The following PIK3C2G variants were observed in gnomAD, a reference collection of about 807,000 sequenced individuals.
The protein encoded by PIK3C2G is phosphatidylinositol-4-phosphate 3-kinase catalytic subunit type 2 gamma.
Under a neutral mutation model 181.1 loss-of-function variants are expected in PIK3C2G, and 168 were observed. The ratio of observed to expected loss-of-function variants is 0.93; its 90% CI spans 0.82 to 1.05. The LOEUF is 1.05. Among genes scored for constraint, PIK3C2G ranks in the 50% least tolerant of loss-of-function variants. The pLI, the probability that PIK3C2G is intolerant of heterozygous loss-of-function variation, is 0.00. For missense variants in PIK3C2G, 1,869 were observed against 1,732.8 expected (o/e 1.08, Z -1.40); for synonymous variants, 573 against 592.2 (o/e 0.97, Z 0.47).
downstream of PIK3C2G, among the ~76,000 whole-genome samples, chr12:18,650,511 T>C (rs892150997): frequency 6.7e-6 from 1 of 150,136 alleles, no homozygotes; most frequent in East Asian, 2.0e-4. Flanking sequence ...TGAAAAAAAA[T>C]TAAGCTATTT....
At chr12:18,366,597 C>A (rs1047662183) in intron 12 of PIK3C2G, among the ~76,000 whole-genome samples, 2 of 152,036 alleles carry the variant, frequency 1.3e-5, no homozygotes, top group African/African-American at 4.8e-5. Context: ...CTCTCAGAAG[C>A]TTACTCTGGT....
intron 17 of PIK3C2G, among the ~76,000 whole-genome samples, chr12:18,422,538 G>T (rs1258099605): frequency 6.6e-6 from 1 of 152,076 alleles, no homozygotes; most frequent in Non-Finnish European, 1.5e-5. Context: ...AGAAGATGCA[G>T]TTCATAGCTA....
intron 25 of PIK3C2G, among the ~76,000 whole-genome samples, chr12:18,545,394 C>G (rs80280060): frequency 6.6e-6 from 1 of 151,806 alleles, no homozygotes; most frequent in African/African-American, 2.4e-5. Flanking sequence ...TCACTTTACC[C>G]TTTGTTTTAA....
intron 25 of PIK3C2G, among the ~76,000 whole-genome samples, chr12:18,540,763 A>G (rs939116575): frequency 6.6e-5 from 10 of 151,930 alleles, no homozygotes; most frequent in African/African-American, 2.4e-5. Flanking sequence ...TCCAGAGTAA[A>G]CATATAATCT....
intron 8 of PIK3C2G, among the ~76,000 whole-genome samples, chr12:18,332,881 C>T (rs1430825144): frequency 1.3e-5 from 2 of 152,100 alleles, no homozygotes; most frequent in African/African-American, 4.8e-5. Context: ...AATATGACTT[C>T]AGTTTCCTGC....
At chr12:18,591,415 C>G (rs1393195288) in intron 29 of PIK3C2G, among the ~76,000 whole-genome samples, 1 of 150,546 alleles carries the variant, frequency 6.6e-6, no homozygotes, top group Admixed American at 6.6e-5. Context: ...GGGAATAAGT[C>G]ACAATCTCTG....
chr12:18,457,065 G>C (rs1947669167), intron 18 of PIK3C2G, among the ~76,000 whole-genome samples: 1 of 151,980 alleles, frequency 6.6e-6, no homozygotes, highest in Non-Finnish European at 1.5e-5. Context: ...AAGTACAATG[G>C]AAACATAGAA....
chr12:18,248,194 A>T (rs1948059978), intron 1 of PIK3C2G: 1 of 152,174 alleles, frequency 6.6e-6, no homozygotes, highest in African/African-American at 2.4e-5. Context: ...TAAACCTAGA[A>T]ATTTGTAAAT....
intron 31 of PIK3C2G, among the ~76,000 whole-genome samples, chr12:18,613,959 C>T (rs1948471532): frequency 6.6e-6 from 1 of 152,068 alleles, no homozygotes; most frequent in Non-Finnish European, 1.5e-5. Flanking sequence ...CAATGTTTGA[C>T]ATATAAAAAC....
At chr12:18,604,075 A>C (rs1947881909) in intron 30 of PIK3C2G, among the ~76,000 whole-genome samples, 1 of 152,218 alleles carries the variant, frequency 6.6e-6, no homozygotes, top group Admixed American at 6.5e-5. Context: ...TAAATGGCCT[A>C]AATGCTCCAC....
At chr12:18,655,941 G>A in the PIK3C2G span, among the ~76,000 whole-genome samples, 1 of 152,116 alleles carries the variant, frequency 6.6e-6, no homozygotes, top group Non-Finnish European at 1.5e-5. Flanking sequence ...TCCTGAAACG[G>A]AAAAACTAAG....
At chr12:18,442,953 A>G in intron 18 of PIK3C2G, among the ~76,000 whole-genome samples, 1 of 150,698 alleles carries the variant, frequency 6.6e-6, no homozygotes, top group African/African-American at 2.4e-5. Flanking sequence ...CTCACTGCAA[A>G]CTCCACCTCC....
chr12:18,292,204 C>G (rs1949719331), intron 4 of PIK3C2G, among the ~76,000 whole-genome samples: 2 of 29,834 alleles, frequency 6.7e-5, no homozygotes, highest in Non-Finnish European at 1.2e-4. Flanking sequence ...GAGCAAAACT[C>G]CATCTCAAAA....
At chr12:18,411,128 T>C (rs1345049912) in intron 16 of PIK3C2G, among the ~76,000 whole-genome samples, 4 of 152,142 alleles carry the variant, frequency 2.6e-5, no homozygotes, top group African/African-American at 9.7e-5. Flanking sequence ...TTACATTGCT[T>C]ACTATTAAAT....
chr12:18,662,257 C>T, the PIK3C2G span, among the ~76,000 whole-genome samples: 1 of 151,966 alleles, frequency 6.6e-6, no homozygotes, highest in African/African-American at 2.4e-5. Context: ...CATCAAACCC[C>T]TGCAACATGC....
the PIK3C2G span, among the ~76,000 whole-genome samples, chr12:18,662,839 T>A: frequency 2.0e-5 from 3 of 151,676 alleles, no homozygotes; most frequent in Non-Finnish European, 2.9e-5. Flanking sequence ...AAACAGAAAA[T>A]GCACATAGAA....
At chr12:18,251,214 A>G (rs181204408) in intron 1 of PIK3C2G, among the ~76,000 whole-genome samples, 12 of 152,152 alleles carry the variant, frequency 7.9e-5, no homozygotes, top group Admixed American at 6.5e-4. Flanking sequence ...GTGAGTATTT[A>G]TAGCACATTA....
At chr12:18,659,034 G>A in the PIK3C2G span, among the ~76,000 whole-genome samples, 1 of 152,060 alleles carries the variant, frequency 6.6e-6, no homozygotes, top group African/African-American at 2.4e-5. Flanking sequence ...GCTTTGTATT[G>A]GAGAGGCAAG....
At chr12:18,415,869 C>T (rs1007581153) in intron 16 of PIK3C2G, among the ~76,000 whole-genome samples, 9 of 152,196 alleles carry the variant, frequency 5.9e-5, no homozygotes, top group African/African-American at 1.9e-4. Context: ...AAGGCCCTAA[C>T]TCTCTTCAAT....
Sources: gnomAD v4.1 joint callset for allele counts (sites outside exome capture counted in the v4.1 genomes callset) on GRCh38, gnomAD v4.1.1 for gene constraint, MANE v1.5 for transcripts, NCBI Gene and HGNC (gene_info 2026-07-23, HGNC 2026-07-21) for gene names.